Variants in HECW2 observed in about 807,000 individuals in gnomAD.
HECW2 encodes E3 ubiquitin-protein ligase HECW2.
In HECW2, 61 loss-of-function variants were observed where a neutral mutation model predicts 175.2. That is an observed-to-expected ratio of 0.35 (90% confidence interval 0.28 to 0.43). HECW2 has a LOEUF of 0.43. Ranked by LOEUF, HECW2 falls within the 20% of genes least tolerant of loss-of-function variation. The pLI is 1.00. For missense variants in HECW2, 1,524 were observed against 2,000.5 expected (o/e 0.76, Z 4.54); for synonymous variants, 671 against 731.0 (o/e 0.92, Z 1.32).
intron 1 of HECW2, among the ~76,000 whole-genome samples, chr2:196,555,486 G>A (rs1451262165): frequency 3.3e-5 from 5 of 152,100 alleles, no homozygotes; most frequent in African/African-American, 9.7e-5. Flanking sequence ...TGGTGGTGTG[G>A]GGACACAAAC....
Position 196,273,049 on chromosome 2 carries a change from A to ATTTTTTTTT in HECW2, c.3238+963_3238+971dup, listed in dbSNP as rs778348590. ...CAAAGATAAATGGAGAGCTGGTCTA[A>ATTTTTTTTT]TTTTTTTTTTTTTTTTTTTTTTTTT... On this transcript the variant is annotated intron_variant, in intron 16 of 28. Coordinates refer to ENST00000644978, the MANE Select transcript of HECW2 (RefSeq NM_001348768.2). 4.9e-4 allele frequency among the ~76,000 whole-genome samples: 55 copies of ATTTTTTTTT among 113,108 alleles called. 2 individuals are homozygous for ATTTTTTTTT. Among genetic ancestry groups the ATTTTTTTTT allele is most frequent in the Middle Eastern group, 4.3e-3 (1 of 232 alleles). The allele number at this position is 113,108 out of a possible 152,430, so 74.2% of individuals were successfully genotyped here. A position where few individuals can be genotyped will look rare whatever the true frequency, so the allele number is the denominator to read the frequency against.
At chr2:196,579,127 C>G (rs1690669874) in intron 1 of HECW2, among the ~76,000 whole-genome samples, 1 of 151,966 alleles carries the variant, frequency 6.6e-6, no homozygotes, top group South Asian at 2.1e-4. Context: ...GTTGATTAAT[C>G]TGAACTAGGT....
In HECW2 at chr2:196,278,442, T is replaced by TA. The variant is rs3833549; in HGVS notation, c.3135+85dup. The TA allele has an allele frequency of 5.1e-4, 740 of 1,439,178 alleles. 1 individual carries two copies. Among genetic ancestry groups the TA allele is most frequent in the Non-Finnish European group, 6.7e-4 (712 of 1,066,464 alleles). 89.2% of individuals were successfully genotyped at this position (1,439,178 alleles called of 1,614,324 possible). A position where few individuals can be genotyped will look rare whatever the true frequency, so the allele number is the denominator to read the frequency against. Reference sequence around the variant, plus strand: ...AAAAAAAAAAAAAGAAAAAATGCTTTAAAAAAATCAGTCAAATTCCTCAAA... The same window carrying TA: ...AAAAAAAAAAAAAGAAAAAATGCTTTAAAAAAAATCAGTCAAATTCCTCAAA... On this transcript the variant is annotated intron_variant, in intron 15 of 28. Transcript: ENST00000644978.
At chr2:196,401,219 A>G (rs1694808965) in intron 2 of HECW2, among the ~76,000 whole-genome samples, 1 of 152,214 alleles carries the variant, frequency 6.6e-6, no homozygotes, top group African/African-American at 2.4e-5. Flanking sequence ...AACCCAAAGG[A>G]CCATTAATAG....
intron 6 of HECW2, among the ~76,000 whole-genome samples, chr2:196,323,915 G>GTTTTTTTTT (rs1160140452): frequency 2.0e-4 from 14 of 68,788 alleles, no homozygotes; most frequent in Non-Finnish European, 2.8e-4. Flanking sequence ...TTTGTTTTTT[G>GTTTTTTTTT]TTTGTTTTTT....
intron 28 of HECW2, among the ~76,000 whole-genome samples, chr2:196,207,712 G>A (rs927483217): frequency 6.6e-6 from 1 of 152,228 alleles, no homozygotes; most frequent in Admixed American, 6.5e-5. Flanking sequence ...TCTCCCACAA[G>A]GTTCGGCACT....
intron 1 of HECW2, among the ~76,000 whole-genome samples, chr2:196,451,431 C>CAAA (rs1383013336): frequency 0.01 from 667 of 65,894 alleles, 3 homozygotes; most frequent in Non-Finnish European, 0.016. Context: ...GACTCCGTCT[C>CAAA]AAAAAAAAAA....
At chr2:196,552,290 G>T (rs1275087938) in intron 1 of HECW2, among the ~76,000 whole-genome samples, 1 of 152,204 alleles carries the variant, frequency 6.6e-6, no homozygotes, top group Admixed American at 6.5e-5. Flanking sequence ...AGGTTTGTGT[G>T]AGAAAACGTT....
chr2:196,430,876 T>C (rs1474644913), intron 2 of HECW2, among the ~76,000 whole-genome samples: 1 of 152,096 alleles, frequency 6.6e-6, no homozygotes, highest in Admixed American at 6.5e-5. Flanking sequence ...GAAAAAATAT[T>C]TGAAGAAATA....
chr2:196,401,500 A>C (rs1405249346), intron 2 of HECW2, among the ~76,000 whole-genome samples: 2 of 152,222 alleles, frequency 1.3e-5, no homozygotes, highest in African/African-American at 4.8e-5. Flanking sequence ...TTGAAATTTT[A>C]TGAAAAATAC....
chr2:196,499,241 A>G (rs1185899283), intron 1 of HECW2, among the ~76,000 whole-genome samples: 2 of 152,128 alleles, frequency 1.3e-5, no homozygotes, highest in South Asian at 2.1e-4. Context: ...ACTTCTTACA[A>G]TAGAAACCAG....
At chr2:196,526,040 G>C (rs1688627503) in intron 1 of HECW2, among the ~76,000 whole-genome samples, 1 of 73,322 alleles carries the variant, frequency 1.4e-5, no homozygotes, top group South Asian at 5.6e-4. Flanking sequence ...GCTAGATTGG[G>C]GAAGTTCTCC....
chr2:196,381,502 G>A (rs1024920067), intron 2 of HECW2, among the ~76,000 whole-genome samples: 4 of 152,114 alleles, frequency 2.6e-5, no homozygotes, highest in African/African-American at 4.8e-5. Context: ...TTCTCATAGC[G>A]TCAGGATTAT....
At chr2:196,558,150 A>T (rs1001324718) in intron 1 of HECW2, among the ~76,000 whole-genome samples, 2 of 152,246 alleles carry the variant, frequency 1.3e-5, no homozygotes, top group Non-Finnish European at 2.9e-5. Context: ...AAATCTGATT[A>T]AAGTTATTTT....
chr2:196,517,599 CA>C (rs1395278230), intron 1 of HECW2, among the ~76,000 whole-genome samples: 1 of 152,176 alleles, frequency 6.6e-6, no homozygotes, highest in African/African-American at 2.4e-5. Flanking sequence ...AATTAGAAGT[CA>C]GTGACATTGT....
At chr2:196,478,530 G>A (rs1167261323) in intron 1 of HECW2, among the ~76,000 whole-genome samples, 3 of 151,868 alleles carry the variant, frequency 2.0e-5, no homozygotes, top group Non-Finnish European at 4.4e-5. Context: ...GGATTAAAAC[G>A]GTATCTTGAA....
Position 196,195,191 on chromosome 2 carries a change from C to A in HECW2, c.*6086G>T, listed in dbSNP as rs1445839725. ...CATTCTGTGTTAATTCCTGGTTAAT[C>A]CTTCCAAGGTAATTCCTGAACATCA... On this transcript the variant is annotated 3_prime_UTR_variant, in exon 29 of 29. Coordinates refer to ENST00000644978, the MANE Select transcript of HECW2 (RefSeq NM_001348768.2). 6.6e-6 allele frequency: 1 copy of A among 152,178 alleles called. No individual in the cohort carries two copies. Among genetic ancestry groups the A allele is most frequent in the East Asian group, 1.9e-4 (1 of 5,206 alleles). 9.4% of individuals were successfully genotyped at this position (152,178 alleles called of 1,614,324 possible).
chr2:196,216,980 T>A, intron 27 of HECW2, 28 bp downstream of exon 27: 1 of 1,396,840 alleles, frequency 7.2e-7, no homozygotes, highest in African/African-American at 1.5e-5. Context: ...TATTGATACA[T>A]TTAAAAGATT....
intron 28 of HECW2, among the ~76,000 whole-genome samples, chr2:196,212,674 A>T (rs1209081779): frequency 6.6e-6 from 1 of 152,176 alleles, no homozygotes; most frequent in Non-Finnish European, 1.5e-5. Context: ...CATGTGTCTT[A>T]TAACTGAATG....
Sources: gnomAD v4.1 joint callset for allele counts (sites outside exome capture counted in the v4.1 genomes callset) on GRCh38, gnomAD v4.1.1 for gene constraint, MANE v1.5 for transcripts, NCBI Gene and HGNC (gene_info 2026-07-23, HGNC 2026-07-21) for gene names.